The following CPSF2 variants were observed in gnomAD, a reference collection of about 807,000 sequenced individuals.
CPSF2 encodes cleavage and polyadenylation specificity factor subunit 2.
In CPSF2, 51 loss-of-function variants were observed where a neutral mutation model predicts 84.2. The ratio of observed to expected loss-of-function variants is 0.61; its 90% CI spans 0.48 to 0.77. The LOEUF (loss-of-function observed/expected upper bound fraction) is 0.77. Among genes scored for constraint, CPSF2 ranks in the 30% least tolerant of loss-of-function variants. The probability of loss-of-function intolerance (pLI) is 0.00; values close to 1 mark genes in which losing one functional copy is unlikely to be tolerated. For synonymous variants in CPSF2, 286 were observed against 311.9 expected (o/e 0.92, Z 0.87); for missense variants, 641 against 929.4 (o/e 0.69, Z 4.03).
At chr14:92,155,848 T>G (rs138722789) in intron 11 of CPSF2, among the ~76,000 whole-genome samples, 1 of 152,090 alleles carries the variant, frequency 6.6e-6, no homozygotes, top group African/African-American at 2.4e-5. Context: ...ACAAGTTTTA[T>G]GAGATTAAGA....
Position 92,171,986 on chromosome 14 carries a change from A to C in CPSF2, c.*10242A>C, listed in dbSNP as rs567766133. ...ACCGTACATCACTGCTGTGAGGACCAAGTTTCCTCCCTTTCCTCGATCCAT... is the reference window on the plus strand; with the variant it reads ...ACCGTACATCACTGCTGTGAGGACCCAGTTTCCTCCCTTTCCTCGATCCAT... On this transcript the variant is annotated 3_prime_UTR_variant, in exon 16 of 16. Coordinates refer to ENST00000298875, the MANE Select transcript of CPSF2 (RefSeq NM_017437.3). The C allele has an allele frequency of 7.9e-5, 12 of 152,320 alleles. No homozygotes were observed. The highest frequency in any genetic ancestry group is 2.9e-4 in the African/African-American group (12 of 41,550). 9.4% of individuals were successfully genotyped at this position (152,320 alleles called of 1,614,324 possible). A position where few individuals can be genotyped will look rare whatever the true frequency, so the allele number is the denominator to read the frequency against.
chr14:92,142,983 T>C (rs746715387), intron 8 of CPSF2, 21 bp from the exon 9 acceptor site: 2 of 1,567,942 alleles, frequency 1.3e-6, no homozygotes, highest in Non-Finnish European at 1.7e-6. Flanking sequence ...CTAATTCTTG[T>C]CATCTTTCCC....
At chr14:92,149,597 A>G (rs995809499) in intron 9 of CPSF2, among the ~76,000 whole-genome samples, 1 of 152,162 alleles carries the variant, frequency 6.6e-6, no homozygotes, top group South Asian at 2.1e-4. Flanking sequence ...ACAAAAAAGA[A>G]AAAAAAGTCC....
chr14:92,135,329 G>A, intron 5 of CPSF2, 38 bp from the exon 6 acceptor site: 7 of 1,556,034 alleles, frequency 4.5e-6, no homozygotes, highest in Non-Finnish European at 6.1e-6. Context: ...CTTTAGGGTT[G>A]TAAAAGAAAT....
chr14:92,140,097 G>A (rs1374881543), intron 7 of CPSF2, among the ~76,000 whole-genome samples: 1 of 151,646 alleles, frequency 6.6e-6, no homozygotes, highest in Non-Finnish European at 1.5e-5. Context: ...GGGATTACAG[G>A]TGTGCGCCAC....
At chr14:92,130,803 G>GC (rs2068914180) in intron 2 of CPSF2, 148 bp from the exon 3 acceptor site, 3 of 499,356 alleles carry the variant, frequency 6.0e-6, no homozygotes, top group Non-Finnish European at 1.0e-5. Flanking sequence ...AGTAAACTTG[G>GC]CAATGATGGA....
In CPSF2 at chr14:92,171,404, A is replaced by C. The variant is rs531863600; in HGVS notation, c.*9660A>C. ...CATCTGTAAGTTATGATTTATTTTGATGCCCCCATTGTCCAAGATTTGACT... is the reference window on the plus strand; with the variant it reads ...CATCTGTAAGTTATGATTTATTTTGCTGCCCCCATTGTCCAAGATTTGACT... On this transcript the variant is annotated 3_prime_UTR_variant, in exon 16 of 16. Transcript: ENST00000298875. The C allele has an allele frequency of 5.3e-5, 8 of 152,260 alleles. No homozygotes were observed. The East Asian group carries it at 1.5e-3, about 29-fold the overall frequency. 9.4% of individuals were successfully genotyped at this position (152,260 alleles called of 1,614,324 possible).
At chr14:92,135,325 G>T in intron 5 of CPSF2, 42 bp from the exon 6 acceptor site, 1 of 1,535,860 alleles carries the variant, frequency 6.5e-7, no homozygotes, top group Admixed American at 2.0e-5. Context: ...CTTTCTTTAG[G>T]GTTGTAAAAG....
In CPSF2 at chr14:92,169,079, A is replaced by T. The variant is rs1387887497; in HGVS notation, c.*7335A>T. ...ATAGGTGTTTTCTTTTTTCTCTGAC[A>T]ATTGTTATGTTAAAAACAAAAAGAA... On this transcript the variant is annotated 3_prime_UTR_variant, in exon 16 of 16. Coordinates refer to ENST00000298875, the MANE Select transcript of CPSF2 (RefSeq NM_017437.3). 1 of 148,720 alleles carries T rather than the reference A, an allele frequency of 6.7e-6. No homozygotes were observed. Among genetic ancestry groups the T allele is most frequent in the African/African-American group, 2.4e-5 (1 of 41,002 alleles). 9.2% of individuals were successfully genotyped at this position (148,720 alleles called of 1,614,324 possible). A position where few individuals can be genotyped will look rare whatever the true frequency, so the allele number is the denominator to read the frequency against.
rs2069364837 is a variant in CPSF2 at position 92,161,057 on chromosome 14, T to C, written c.2122-55T>C. Reference sequence around the variant, plus strand: ...TAGTATTTTACTTTATTCAGTACAGTTGTATGTCTGGTGTTTTACTTGAAG... The same window carrying C: ...TAGTATTTTACTTTATTCAGTACAGCTGTATGTCTGGTGTTTTACTTGAAG... On this transcript the variant is annotated intron_variant, in intron 14 of 15. Transcript: ENST00000298875. 4 of 1,552,220 alleles carry C rather than the reference T, an allele frequency of 2.6e-6. No individual in the cohort carries two copies. The Admixed American group carries it at 7.0e-5, about 27-fold the overall frequency.
At chr14:92,135,026 G>A (rs932793612) in intron 5 of CPSF2, among the ~76,000 whole-genome samples, 1 of 152,048 alleles carries the variant, frequency 6.6e-6, no homozygotes, top group Non-Finnish European at 1.5e-5. Context: ...GGAAACATTT[G>A]GTAACTGTAT....
chr14:92,152,035 C>T lies in CPSF2; in HGVS notation c.1141-2323C>T, dbSNP rs76776998. On this transcript the variant is annotated intron_variant, in intron 9 of 15. Coordinates refer to ENST00000298875, the MANE Select transcript of CPSF2 (RefSeq NM_017437.3). ...CAAAAAAAAAAAAAAAAATGCCGTT[C>T]TTCCCACTATCTTTTTTTTGCTTTG... is the stretch of plus-strand genomic sequence containing the variant. 7.1e-3 allele frequency among the ~76,000 whole-genome samples: 1,055 copies of T among 149,330 alleles called. 14 individuals are homozygous for T. The highest frequency in any genetic ancestry group is 0.025 in the African/African-American group (1,015 of 40,698).
intron 14 of CPSF2, among the ~76,000 whole-genome samples, chr14:92,160,279 T>C (rs2069354982): frequency 2.6e-5 from 4 of 152,314 alleles, no homozygotes; most frequent in African/African-American, 7.2e-5. Flanking sequence ...CATACCTCCA[T>C]TTTTTTATGT....
intron 9 of CPSF2, among the ~76,000 whole-genome samples, chr14:92,150,629 C>T (rs1358793243): frequency 3.9e-5 from 6 of 152,038 alleles, no homozygotes; most frequent in Non-Finnish European, 8.8e-5. Context: ...GGTCTTGCTA[C>T]GCTGCCCATA....
At chr14:92,149,181 T>C (rs2069180239) in intron 9 of CPSF2, among the ~76,000 whole-genome samples, 2 of 152,126 alleles carry the variant, frequency 1.3e-5, no homozygotes, top group Admixed American at 1.3e-4. Context: ...GTAAGATCAG[T>C]GGTGCATAAA....
At chr14:92,128,707 A>T (rs1321345660) in intron 2 of CPSF2, among the ~76,000 whole-genome samples, 1 of 152,230 alleles carries the variant, frequency 6.6e-6, no homozygotes, top group Admixed American at 6.5e-5. Flanking sequence ...AAAAGTAGTC[A>T]GCGAATTAGA....
intron 9 of CPSF2, among the ~76,000 whole-genome samples, chr14:92,148,030 C>A (rs1411993920): frequency 1.3e-5 from 2 of 152,206 alleles, no homozygotes; most frequent in South Asian, 2.1e-4. Context: ...TGGCCTTAAA[C>A]ATGTAAATCA....
intron 6 of CPSF2, among the ~76,000 whole-genome samples, chr14:92,136,084 T>C (rs2068995265): frequency 1.3e-5 from 2 of 152,202 alleles, no homozygotes; most frequent in East Asian, 3.8e-4. Flanking sequence ...GTTAGTCCCT[T>C]TGAAAGGGAA....
At chr14:92,147,622 T>TA (rs201952308) in intron 9 of CPSF2, among the ~76,000 whole-genome samples, 5 of 152,212 alleles carry the variant, frequency 3.3e-5, no homozygotes, top group East Asian at 1.9e-4. Context: ...TAACTGTTTT[T>TA]AAAAAAAACC....
Sources: gnomAD v4.1 joint callset for allele counts (sites outside exome capture counted in the v4.1 genomes callset) on GRCh38, gnomAD v4.1.1 for gene constraint, MANE v1.5 for transcripts, NCBI Gene and HGNC (gene_info 2026-07-23, HGNC 2026-07-21) for gene names.